Variants in ADAM32 observed in about 807,000 individuals in gnomAD.
ADAM32 encodes the protein disintegrin and metalloproteinase domain-containing protein 32.
Under a neutral mutation model 114.9 loss-of-function variants are expected in ADAM32, and 89 were observed. The ratio of observed to expected loss-of-function variants is 0.77; its 90% CI spans 0.65 to 0.92. ADAM32 has a LOEUF of 0.92. Ranked by LOEUF, ADAM32 falls within the 40% of genes least tolerant of loss-of-function variation. The pLI, the probability that ADAM32 is intolerant of heterozygous loss-of-function variation, is 0.00. For missense variants in ADAM32, 870 were observed against 932.8 expected, an observed-to-expected ratio of 0.93 and a Z score of 0.88; for synonymous variants, 285 against 307.5, an observed-to-expected ratio of 0.93 and a Z score of 0.77.
chr8:39,210,741 C>CT (rs763076753), intron 11 of ADAM32, among the ~76,000 whole-genome samples: 2 of 152,098 alleles, frequency 1.3e-5, no homozygotes, highest in Non-Finnish European at 2.9e-5. Flanking sequence ...TAAATATACA[C>CT]TTTTTTTCTG....
chr8:39,163,678 G>C (rs1400100918), intron 7 of ADAM32, among the ~76,000 whole-genome samples: 1 of 152,222 alleles, frequency 6.6e-6, no homozygotes, highest in African/African-American at 2.4e-5. Context: ...GGATATAGCA[G>C]TGAATAAAAC....
intron 12 of ADAM32, among the ~76,000 whole-genome samples, chr8:39,213,990 TC>T (rs1422325938): frequency 1.3e-5 from 2 of 152,156 alleles, no homozygotes; most frequent in African/African-American, 4.8e-5. Context: ...GACCTCTAGT[TC>T]CATCCATGTT....
intron 14 of ADAM32, among the ~76,000 whole-genome samples, chr8:39,227,137 A>G (rs1179286099): frequency 6.6e-6 from 1 of 152,160 alleles, no homozygotes; most frequent in African/African-American, 2.4e-5. Context: ...CTCTAAAGGA[A>G]GTGGACTGCT....
chr8:39,281,151 T>A lies in ADAM32; in HGVS notation c.2295T>A (p.Asp765Glu), dbSNP rs1465723011. 8.8e-6 allele frequency: 12 copies of A among 1,357,362 alleles called. No homozygotes were observed. The highest frequency in any genetic ancestry group is 1.2e-5 in the Non-Finnish European group (12 of 1,032,138). The allele number at this position is 1,357,362 out of a possible 1,614,324, so 84.1% of individuals were successfully genotyped here. Residue 765 changes from aspartate to glutamate, a missense_variant, in exon 23 of 25, where the codon GAT (aspartate) becomes GAA (glutamate). Coordinates refer to ENST00000379907, the MANE Select transcript of ADAM32 (RefSeq NM_145004.7). ...TTATTTTTAGATCCAAATCAGAAGATAGTGCTGAAGCATATACTAGCAGGT... is the reference window on the plus strand; with the variant it reads ...TTATTTTTAGATCCAAATCAGAAGAAAGTGCTGAAGCATATACTAGCAGGT... ...QADTSKSKSE[D>E]SAEAYTSRSK... is the part of the protein sequence containing the mutation.
intron 17 of ADAM32, among the ~76,000 whole-genome samples, chr8:39,248,966 A>G (rs577875694): frequency 6.7e-6 from 1 of 149,488 alleles, no homozygotes; most frequent in South Asian, 2.1e-4. Flanking sequence ...GCAGTGGCAT[A>G]ATCTCGGCTC....
At chr8:39,234,578 C>T (rs1325331916) in intron 16 of ADAM32, among the ~76,000 whole-genome samples, 1 of 152,092 alleles carries the variant, frequency 6.6e-6, no homozygotes, top group African/African-American at 2.4e-5. Flanking sequence ...AGCATTTACT[C>T]TACAGGGTAT....
At chr8:39,115,146 C>T (rs901671085) in intron 1 of ADAM32, among the ~76,000 whole-genome samples, 13 of 152,146 alleles carry the variant, frequency 8.5e-5, no homozygotes, top group South Asian at 2.1e-4. Context: ...GATTCCATGT[C>T]TTTGCTATTG....
At chr8:39,176,375 G>A (rs1564536441) in intron 10 of ADAM32, among the ~76,000 whole-genome samples, 2 of 152,076 alleles carry the variant, frequency 1.3e-5, no homozygotes, top group South Asian at 2.1e-4. Flanking sequence ...CATAGATTCC[G>A]GTACGTTGTC....
chr8:39,243,793 GAGAA>G (rs146755046), intron 16 of ADAM32, among the ~76,000 whole-genome samples: 21,378 of 151,874 alleles, frequency 0.14, 1,651 homozygotes, highest in Middle Eastern at 0.26. Context: ...AATCAAACAA[GAGAA>G]AGAAAGAAAG....
chr8:39,276,062 C>T, intron 22 of ADAM32, 196 bp downstream of exon 22: 1 of 449,734 alleles, frequency 2.2e-6, no homozygotes, highest in Non-Finnish European at 3.9e-6. Context: ...TATCTTCTTT[C>T]CTGCAGTTTA....
At chr8:39,237,010 A>G (rs1418292226) in intron 16 of ADAM32, among the ~76,000 whole-genome samples, 1 of 152,180 alleles carries the variant, frequency 6.6e-6, no homozygotes, top group Non-Finnish European at 1.5e-5. Flanking sequence ...AAACTTCGTG[A>G]AACACCCATA....
chr8:39,147,281 G>C (rs1349166685), intron 4 of ADAM32, 76 bp downstream of exon 4: 1 of 605,160 alleles, frequency 1.7e-6, no homozygotes. Context: ...TATACAGAAG[G>C]CTCTCAAGAT....
At chr8:39,250,826 T>C (rs1207557554) in intron 17 of ADAM32, among the ~76,000 whole-genome samples, 1 of 151,886 alleles carries the variant, frequency 6.6e-6, no homozygotes, top group African/African-American at 2.4e-5. Flanking sequence ...CTTCATCCTT[T>C]CCTCCCATTA....
intron 16 of ADAM32, among the ~76,000 whole-genome samples, chr8:39,241,733 C>T (rs1810568546): frequency 6.6e-6 from 1 of 152,218 alleles, no homozygotes; most frequent in Admixed American, 6.5e-5. Context: ...TTTTTTCCCT[C>T]CTAAACCTCC....
intron 19 of ADAM32, among the ~76,000 whole-genome samples, chr8:39,264,233 A>G (rs1006402503): frequency 6.6e-6 from 1 of 152,188 alleles, no homozygotes; most frequent in South Asian, 2.1e-4. Context: ...AGTGAGCATA[A>G]TACTTGTAAC....
intron 18 of ADAM32, among the ~76,000 whole-genome samples, chr8:39,256,498 A>G (rs2129450626): frequency 6.6e-6 from 1 of 152,132 alleles, no homozygotes; most frequent in South Asian, 2.1e-4. Context: ...TTTGTGCCCC[A>G]CAGCTTCCAT....
intron 11 of ADAM32, among the ~76,000 whole-genome samples, chr8:39,203,775 G>A (rs1196011581): frequency 1.3e-5 from 2 of 152,170 alleles, no homozygotes; most frequent in Non-Finnish European, 2.9e-5. Context: ...GGTACTGATT[G>A]TTCCTTTCCA....
At chr8:39,109,397 A>G (rs1840060137) in intron 1 of ADAM32, among the ~76,000 whole-genome samples, 2 of 152,012 alleles carry the variant, frequency 1.3e-5, no homozygotes, top group South Asian at 2.1e-4. Context: ...ATACAAAAAA[A>G]TTAGCTGGGC....
upstream of ADAM32, chr8:39,107,716 G>A (rs1052916148): frequency 6.5e-7 from 1 of 1,549,130 alleles, no homozygotes; most frequent in Admixed American, 2.0e-5. Context: ...GCGCGTCCCC[G>A]CGTCCCTGGC....
Sources: gnomAD v4.1 joint callset for allele counts (sites outside exome capture counted in the v4.1 genomes callset) on GRCh38, gnomAD v4.1.1 for gene constraint, MANE v1.5 for transcripts, NCBI Gene and HGNC (gene_info 2026-07-23, HGNC 2026-07-21) for gene names.